Variants in ZFAT observed in about 807,000 individuals in gnomAD.
ZFAT encodes zinc finger and AT-hook domain containing, also known as zinc finger protein ZFAT.
Under a neutral mutation model 117.7 loss-of-function variants are expected in ZFAT, and 64 were observed. The observed-to-expected ratio is 0.54, with a 90% confidence interval of 0.44 to 0.67. The LOEUF (loss-of-function observed/expected upper bound fraction) is 0.67, where lower values mean the gene tolerates loss of function less well. Among genes scored for constraint, ZFAT ranks in the 30% least tolerant of loss-of-function variants. The pLI is 0.00. For missense variants in ZFAT, 1,433 were observed against 1,584.5 expected (o/e 0.90, Z 1.62); for synonymous variants, 679 against 615.0 (o/e 1.10, Z -1.54).
At chr8:134,500,371 G>A (rs1818881281) in intron 15 of ZFAT, among the ~76,000 whole-genome samples, 2 of 152,212 alleles carry the variant, frequency 1.3e-5, no homozygotes, top group Non-Finnish European at 2.9e-5. Flanking sequence ...CTTAGGAAAA[G>A]GAAGAAAAGT....
rs1271858212 is a variant in ZFAT, at chr8:134,575,924, T to C, written c.2887+7908A>G. Among the ~76,000 whole-genome samples the C allele has an allele frequency of 2.6e-5, 4 of 152,230 alleles. No individual in the cohort carries two copies. The East Asian group carries it at 5.8e-4, about 22-fold the overall frequency. On this transcript the variant is annotated intron_variant, in intron 10 of 15. Transcript: ENST00000377838. ...AAAAATACAGTTAAAGAAGTCTCTG[T>C]ACTTTAAAGGCTGAACTTCAAGCAA... is the stretch of plus-strand genomic sequence containing the variant.
chr8:134,557,970 A>G (rs140857991), intron 11 of ZFAT, among the ~76,000 whole-genome samples: 50 of 152,324 alleles, frequency 3.3e-4, no homozygotes, highest in African/African-American at 1.1e-3. Context: ...AACCCAGTAC[A>G]CTGTCTAGCA....
chr8:134,653,226 T>G lies in ZFAT; in HGVS notation c.196+4335A>C, dbSNP rs369473183. 4.3e-5 allele frequency among the ~76,000 whole-genome samples: 6 copies of G among 138,068 alleles called. No homozygotes were observed. The South Asian group carries it at 9.2e-4, about 21-fold the overall frequency. The allele number at this position is 138,068 out of a possible 152,430, so 90.6% of individuals were successfully genotyped here. Reference sequence around the variant, plus strand: ...GGTACATGTGCACAACGTGCAGGTTTGCTACAAATAGCAAAGACTTGGAAC... The same window carrying G: ...GGTACATGTGCACAACGTGCAGGTTGGCTACAAATAGCAAAGACTTGGAAC... On this transcript the variant is annotated intron_variant, in intron 2 of 15. Coordinates refer to ENST00000377838, the MANE Select transcript of ZFAT (RefSeq NM_020863.4).
chr8:134,708,865 T>C (rs1409744446), intron 1 of ZFAT, among the ~76,000 whole-genome samples: 1 of 152,174 alleles, frequency 6.6e-6, no homozygotes, highest in Non-Finnish European at 1.5e-5. Context: ...GGCAGGAGAA[T>C]CGCTTGAGCC....
Position 134,560,338 on chromosome 8 carries a change from A to G in ZFAT, c.2976+4995T>C, listed in dbSNP as rs373457047. ...AGGTTGTATGAATCCCATGAACTCA[A>G]CATATAACAACTTTCAAACTTAGTA... On this transcript the variant is annotated intron_variant, in intron 11 of 15. Coordinates refer to ENST00000377838, the MANE Select transcript of ZFAT (RefSeq NM_020863.4). 8.5e-5 allele frequency among the ~76,000 whole-genome samples: 13 copies of G among 152,352 alleles called. No homozygotes were observed. In the South Asian group the frequency reaches 1.5e-3, roughly 17 times the overall value.
intron 1 of ZFAT, among the ~76,000 whole-genome samples, chr8:134,658,230 G>A (rs973714365): frequency 2.0e-5 from 3 of 151,840 alleles, no homozygotes; most frequent in Non-Finnish European, 4.4e-5. Context: ...CCAGCTACTC[G>A]GGAGGCTGAG....
intron 1 of ZFAT, among the ~76,000 whole-genome samples, chr8:134,702,917 G>C (rs6577743): frequency 0.89 from 135,812 of 152,226 alleles, 60,788 homozygotes; most frequent in African/African-American, 0.92. Flanking sequence ...GTGATCTGCC[G>C]GCCTCGGCCT....
chr8:134,487,818 AGCT>A (rs2130092023), intron 15 of ZFAT, among the ~76,000 whole-genome samples: 1 of 152,340 alleles, frequency 6.6e-6, no homozygotes, highest in East Asian at 1.9e-4. Context: ...ACTGGATCCC[AGCT>A]AGCACTTCAT....
chr8:134,776,519 C>T, the ZFAT span, among the ~76,000 whole-genome samples: 3 of 152,018 alleles, frequency 2.0e-5, no homozygotes, highest in Non-Finnish European at 4.4e-5. Flanking sequence ...GCCGAGGCTT[C>T]GTTTTTTGTT....
chr8:134,666,910 C>A (rs1832253208), intron 1 of ZFAT, among the ~76,000 whole-genome samples: 1 of 152,132 alleles, frequency 6.6e-6, no homozygotes, highest in African/African-American at 2.4e-5. Context: ...AGAAGCTGAG[C>A]AAACCCGACA....
At position 134,602,140 on chromosome 8, in the gene ZFAT, C is replaced by A. The variant is rs377038795; in HGVS notation, c.1579G>T (p.Gly527Cys). 6.2e-7 allele frequency: 1 copy of A among 1,613,064 alleles called. No individual in the cohort carries two copies. Among genetic ancestry groups the A allele is most frequent in the Non-Finnish European group, 8.5e-7 (1 of 1,179,888 alleles). Residue 527 changes from glycine (G) to cysteine (C), a missense_variant, in exon 6 of 16, where the codon GGC becomes TGC. By Grantham distance (159) the Gly-to-Cys change is radical (BLOSUM62 -3). Coordinates refer to ENST00000377838, the MANE Select transcript of ZFAT (RefSeq NM_020863.4). ...GCCTCTTCCTTGAGTGCATTCACGC[C>A]CTGGAGGGCAAACTCCTCTTCCACC... ...QLVEEEFALQ[G>C]VNALKEEACP...
chr8:134,576,122 T>C (rs547728820), intron 10 of ZFAT, among the ~76,000 whole-genome samples: 1 of 152,272 alleles, frequency 6.6e-6, no homozygotes, highest in Non-Finnish European at 1.5e-5. Flanking sequence ...GTGCCAGACA[T>C]TTGCAGCTGA....
In ZFAT at chr8:134,637,374, A is replaced by C. The variant is rs1323220060; in HGVS notation, c.448+87T>G. The C allele has an allele frequency of 7.3e-6, 11 of 1,503,826 alleles. No homozygotes were observed. In the South Asian group the frequency reaches 1.1e-4, roughly 16 times the overall value. 93.2% of individuals were successfully genotyped at this position (1,503,826 alleles called of 1,614,324 possible). A position where few individuals can be genotyped will look rare whatever the true frequency, so the allele number is the denominator to read the frequency against. On this transcript the variant is annotated intron_variant, in intron 3 of 15. Coordinates refer to ENST00000377838, the MANE Select transcript of ZFAT (RefSeq NM_020863.4). Reference sequence around the variant, plus strand: ...GCTGAATAAATATGTGCTATTTCCAAGTAAAAACTGACCCAGTGAAACCTG... The same window carrying C: ...GCTGAATAAATATGTGCTATTTCCACGTAAAAACTGACCCAGTGAAACCTG...
chr8:134,639,359 GT>G (rs1203934626), intron 2 of ZFAT, among the ~76,000 whole-genome samples: 3 of 152,354 alleles, frequency 2.0e-5, no homozygotes, highest in South Asian at 4.1e-4. Context: ...AACGCCACTG[GT>G]GAGTGGGTCA....
At chr8:134,817,763 T>C in the ZFAT span, among the ~76,000 whole-genome samples, 2 of 151,788 alleles carry the variant, frequency 1.3e-5, no homozygotes, top group Non-Finnish European at 2.9e-5. Context: ...AAAAAGAAAA[T>C]TGGAAGACTA....
At chr8:134,765,823 G>A in the ZFAT span, 1 of 152,176 alleles carries the variant, frequency 6.6e-6, no homozygotes, top group Non-Finnish European at 1.5e-5. Context: ...CCTCATGTGA[G>A]ATCCCAGTCC....
Position 134,608,851 on chromosome 8 carries a change from A to T in ZFAT, c.663T>A (p.Ala221=), listed in dbSNP as rs774100721. 1.2e-6 allele frequency: 2 copies of T among 1,609,918 alleles called. No homozygotes were observed. The highest frequency in any genetic ancestry group is 4.5e-5 in the East Asian group (2 of 44,646). ...TTGTAGCTCCTGTTTCAGGGGGCCC[A>T]GCCTCCACTGGCACAATCTTGGTAG... is the stretch of plus-strand genomic sequence containing the variant. The part of the protein sequence containing the change: ...PGATKIVPVE[A]GPPETGATNS... Residue 221 remains alanine (A), a synonymous_variant, in exon 5 of 16, where the codon GCT becomes GCA. Coordinates refer to ENST00000377838, the MANE Select transcript of ZFAT (RefSeq NM_020863.4).
chr8:134,698,323 C>CAAAA (rs35465168), intron 1 of ZFAT, among the ~76,000 whole-genome samples: 3 of 127,324 alleles, frequency 2.4e-5, no homozygotes, highest in African/African-American at 9.1e-5. Context: ...GACTCCATCT[C>CAAAA]AAAAAAAAAA....
At chr8:134,498,855 G>C (rs2130242177) in intron 15 of ZFAT, among the ~76,000 whole-genome samples, 1 of 29,302 alleles carries the variant, frequency 3.4e-5, no homozygotes, top group Non-Finnish European at 6.4e-5. Context: ...GTAGGGTCGG[G>C]GTGGAGCTGG....
Sources: gnomAD v4.1 joint callset for allele counts (sites outside exome capture counted in the v4.1 genomes callset) on GRCh38, gnomAD v4.1.1 for gene constraint, MANE v1.5 for transcripts, NCBI Gene and HGNC (gene_info 2026-07-23, HGNC 2026-07-21) for gene names.